SF3B3: variants seen among roughly 807,000 people sequenced by gnomAD.
SF3B3 encodes the protein SAP 130.
SF3B3 carries 33 observed loss-of-function variants against 139.2 expected under a neutral mutation model. The observed-to-expected ratio is 0.24, with a 90% confidence interval of 0.18 to 0.32. The LOEUF is 0.32. Ranked by LOEUF, SF3B3 falls within the 10% of genes least tolerant of loss-of-function variation. The pLI, the probability that SF3B3 is intolerant of heterozygous loss-of-function variation, is 1.00. For synonymous variants in SF3B3, 596 were observed against 563.6 expected, an observed-to-expected ratio of 1.06 and a Z score of -0.81; for missense variants, 818 against 1,509.4, an observed-to-expected ratio of 0.54 and a Z score of 7.59.
At chr16:70,528,597 C>G (rs1395392260) in intron 2 of SF3B3, among the ~76,000 whole-genome samples, 2 of 151,224 alleles carry the variant, frequency 1.3e-5, no homozygotes, top group Non-Finnish European at 2.9e-5. Flanking sequence ...GTAGCTGGGA[C>G]TAGAGGCACA....
chr16:70,556,621 C>G (rs2050381694), intron 14 of SF3B3: 1 of 595,268 alleles, frequency 1.7e-6, no homozygotes, highest in South Asian at 2.1e-5. Context: ...GCTGCAGGAC[C>G]CTAGGTGACT....
Position 70,528,869 on chromosome 16 carries a change from C to A in SF3B3, c.71-4C>A. The A allele has an allele frequency of 1.2e-6, 2 of 1,601,892 alleles. No individual in the cohort carries two copies. Among genetic ancestry groups the A allele is most frequent in the Non-Finnish European group, 1.7e-6 (2 of 1,170,576 alleles). On this transcript the variant is annotated splice_polypyrimidine_tract_variant and splice_region_variant and intron_variant, in intron 2 of 25. Transcript: ENST00000302516. ...TTTATGATCTTTATTTTTTGGTGATCTAGGAACCAAACAACAAGAAATTGT... is the reference window on the plus strand; with the variant it reads ...TTTATGATCTTTATTTTTTGGTGATATAGGAACCAAACAACAAGAAATTGT...
At chr16:70,556,556 T>C in intron 14 of SF3B3, 1 of 621,194 alleles carries the variant, frequency 1.6e-6, no homozygotes, top group Non-Finnish European at 2.8e-6. Context: ...TTTCTTTGGC[T>C]TAAGCCTCAA....
chr16:70,573,064 C>T lies in SF3B3; in HGVS notation c.*1251C>T. ...AGGAATGGTGGAATACAATCTGAAC[C>T]TCTCAGAGCCCAGAACAGAGGGTTC... On this transcript the variant is annotated 3_prime_UTR_variant, in exon 26 of 26. Coordinates refer to ENST00000302516, the MANE Select transcript of SF3B3 (RefSeq NM_012426.5). The T allele has an allele frequency of 6.6e-6, 1 of 152,182 alleles. No homozygotes were observed. 9.4% of individuals were successfully genotyped at this position (152,182 alleles called of 1,614,324 possible).
At position 70,532,357 on chromosome 16, in the gene SF3B3, C is replaced by CAAAAAA. The variant is rs10524385; in HGVS notation, c.571-117_571-112dup. ...GTGACATAGTGAGAACCTGTCTCTC[C>CAAAAAA]AAAAAAAAAAGAAGACATTTGTGGA... On this transcript the variant is annotated intron_variant, in intron 4 of 25. Coordinates refer to ENST00000302516, the MANE Select transcript of SF3B3 (RefSeq NM_012426.5). 660 of 521,908 alleles carry CAAAAAA rather than the reference C, an allele frequency of 1.3e-3. 3 individuals carry two copies. Among genetic ancestry groups the CAAAAAA allele is most frequent in the South Asian group, 2.7e-3 (105 of 39,120 alleles). The allele number at this position is 521,908 out of a possible 1,614,324, so 32.3% of individuals were successfully genotyped here.
At position 70,568,454 on chromosome 16, in the gene SF3B3, G is replaced by A; in HGVS notation, c.3124G>A (p.Asp1042Asn). The A allele has an allele frequency of 6.2e-7, 1 of 1,614,034 alleles. No individual in the cohort carries two copies. The highest frequency in any genetic ancestry group is 1.1e-5 in the South Asian group (1 of 91,072). ...WVTTASLLDY[D>N]TVAGADKFGN... ...CACTACAGCCAGCCTCCTGGACTAT[G>A]ACACTGTGGCTGGGGCAGACAAGTT... Residue 1042 changes from aspartate to asparagine, a missense_variant, in exon 22 of 26, where the codon GAC (aspartate) becomes AAC (asparagine). Around this residue, in one of 14 missense-constraint regions of SF3B3, gnomAD observed 91 missense variants for 171.8 expected, o/e 0.53. Transcript: ENST00000302516.
chr16:70,563,000 T>C (rs1183626718), intron 17 of SF3B3, among the ~76,000 whole-genome samples: 1 of 152,150 alleles, frequency 6.6e-6, no homozygotes, highest in Non-Finnish European at 1.5e-5. Context: ...TGGCTAATTT[T>C]TGTGTTCTAT....
chr16:70,557,485 C>T (rs1402269173), intron 15 of SF3B3, among the ~76,000 whole-genome samples: 1 of 152,194 alleles, frequency 6.6e-6, no homozygotes, highest in East Asian at 1.9e-4. Context: ...TGATCATATG[C>T]TTTTCATTTT....
chr16:70,538,055 T>G (rs776862437), intron 6 of SF3B3: 3 of 636,548 alleles, frequency 4.7e-6, no homozygotes, highest in South Asian at 4.1e-5. Context: ...TCTCTGACAT[T>G]TTTCTCTGGA....
intron 6 of SF3B3, among the ~76,000 whole-genome samples, chr16:70,537,712 A>G (rs1190636260): frequency 2.0e-5 from 3 of 152,236 alleles, no homozygotes; most frequent in South Asian, 2.1e-4. Context: ...TGGCTTTGCA[A>G]TAACAAAGTC....
At chr16:70,531,169 G>A (rs2050117738) in intron 4 of SF3B3, among the ~76,000 whole-genome samples, 1 of 152,064 alleles carries the variant, frequency 6.6e-6, no homozygotes, top group Admixed American at 6.5e-5. Context: ...TCGGGAAGCT[G>A]AGGCAGGAGA....
At chr16:70,567,821 G>T (rs1567425854) in intron 21 of SF3B3, among the ~76,000 whole-genome samples, 1 of 152,174 alleles carries the variant, frequency 6.6e-6, no homozygotes, top group Admixed American at 6.5e-5. Flanking sequence ...AAGTAGCTGG[G>T]ATTACAGATG....
At chr16:70,571,444 G>A (rs753344192) in intron 25 of SF3B3, among the ~76,000 whole-genome samples, 2 of 152,190 alleles carry the variant, frequency 1.3e-5, no homozygotes, top group Non-Finnish European at 2.9e-5. Context: ...CGGTCTGGGC[G>A]TGGTGGCACA....
At chr16:70,529,359 T>G in intron 3 of SF3B3, 160 bp downstream of exon 3, 1 of 605,320 alleles carries the variant, frequency 1.7e-6, no homozygotes, top group Non-Finnish European at 2.9e-6. Context: ...AAGAGTTGCA[T>G]TTTCTTTTAA....
At chr16:70,564,889 C>G (rs562789634) in intron 18 of SF3B3, among the ~76,000 whole-genome samples, 176 bp from the exon 19 acceptor site, 1 of 152,312 alleles carries the variant, frequency 6.6e-6, no homozygotes, top group East Asian at 1.9e-4. Context: ...CTTCTGTCTT[C>G]CCTAGTCTGT....
Position 70,523,892 on chromosome 16 carries a change from AT to A in SF3B3, c.-106del. The A allele has an allele frequency of 2.0e-6, 1 of 488,748 alleles. No individual in the cohort carries two copies. The highest frequency in any genetic ancestry group is 3.6e-6 in the Non-Finnish European group (1 of 278,552). 30.3% of individuals were successfully genotyped at this position (488,748 alleles called of 1,614,324 possible). On this transcript the variant is annotated 5_prime_UTR_variant, in exon 1 of 26. Coordinates refer to ENST00000302516, the MANE Select transcript of SF3B3 (RefSeq NM_012426.5). Reference sequence around the variant, plus strand: ...GGCTTAAGTTTTGAAGGGAGGTAGCATCCGTTGGATATCCACACCATCCTTC... The same window carrying A: ...GGCTTAAGTTTTGAAGGGAGGTAGCACCGTTGGATATCCACACCATCCTTC...
chr16:70,526,806 T>C, intron 2 of SF3B3, 80 bp downstream of exon 2: 2 of 1,001,896 alleles, frequency 2.0e-6, no homozygotes, highest in Non-Finnish European at 3.1e-6. Context: ...CAGGAAATGT[T>C]TTCCATTTAT....
Position 70,561,773 on chromosome 16 carries a change from C to G in SF3B3, c.2277C>G (p.Thr759=). 6.2e-7 allele frequency: 1 copy of G among 1,613,888 alleles called. No individual in the cohort carries two copies. ...QCPEGIVAIS[T]NTLRILALEK... ...CCGAGGGCATTGTGGCCATCTCCAC[C>G]AACACCCTACGGTGAGTGAGTCTCA... The change falls in exon 17 of 26, where the codon ACC becomes ACG. Residue 759 remains threonine, a synonymous_variant. Coordinates refer to ENST00000302516, the MANE Select transcript of SF3B3 (RefSeq NM_012426.5).
chr16:70,560,435 A>G (rs1310701015), intron 15 of SF3B3, 34 bp from the exon 16 acceptor site: 1 of 1,607,108 alleles, frequency 6.2e-7, no homozygotes, highest in African/African-American at 1.3e-5. Flanking sequence ...ATAAGCTTCC[A>G]TCAGGCTTCA....
Sources: gnomAD v4.1 joint callset for allele counts (sites outside exome capture counted in the v4.1 genomes callset) on GRCh38, gnomAD v4.1.1 for gene constraint, gnomAD v4.1.1 regional missense constraint, MANE v1.5 for transcripts, NCBI Gene and HGNC (gene_info 2026-07-23, HGNC 2026-07-21) for gene names.